COLGALT2: variants seen among roughly 807,000 people sequenced by gnomAD.
COLGALT2 encodes collagen beta(1-O)galactosyltransferase 2.
COLGALT2 carries 49 observed loss-of-function variants against 73.4 expected under a neutral mutation model. The ratio of observed to expected loss-of-function variants is 0.67; its 90% CI spans 0.53 to 0.85. COLGALT2 has a LOEUF of 0.85. COLGALT2 is among the 40% of genes least tolerant of loss of function. The pLI, the probability that COLGALT2 is intolerant of heterozygous loss-of-function variation, is 0.00. For synonymous variants in COLGALT2, 295 were observed against 307.6 expected, an observed-to-expected ratio of 0.96 and a Z score of 0.43; for missense variants, 722 against 790.2, an observed-to-expected ratio of 0.91 and a Z score of 1.03.
chr1:184,018,696 A>C (rs1465591863), intron 1 of COLGALT2, among the ~76,000 whole-genome samples: 2 of 152,204 alleles, frequency 1.3e-5, no homozygotes, highest in Non-Finnish European at 2.9e-5. Context: ...AAAATATCTA[A>C]GTGAGAAAGC....
intron 1 of COLGALT2, among the ~76,000 whole-genome samples, chr1:184,009,878 T>A (rs941385927): frequency 9.2e-5 from 14 of 152,338 alleles, no homozygotes; most frequent in African/African-American, 3.4e-4. Flanking sequence ...GCATCACAGA[T>A]CTCATGCCAA....
At chr1:183,963,752 A>T in intron 6 of COLGALT2, 149 bp downstream of exon 6, 1 of 873,168 alleles carries the variant, frequency 1.1e-6, no homozygotes, top group Non-Finnish European at 1.6e-6. Context: ...GGAAAAATTT[A>T]GGAAAGAATG....
intron 1 of COLGALT2, among the ~76,000 whole-genome samples, chr1:183,980,061 T>G (rs1202324007): frequency 6.6e-6 from 1 of 151,910 alleles, no homozygotes; most frequent in African/African-American, 2.4e-5. Flanking sequence ...TTTCAGAACT[T>G]CCAAAAATTA....
chr1:183,960,571 G>GT (rs1670672161), intron 6 of COLGALT2, among the ~76,000 whole-genome samples: 1 of 152,118 alleles, frequency 6.6e-6, no homozygotes, highest in African/African-American at 2.4e-5. Flanking sequence ...ATCATAAAAT[G>GT]TTTTGAATCC....
chr1:184,003,365 T>G (rs1395606712), intron 1 of COLGALT2, among the ~76,000 whole-genome samples: 1 of 116,140 alleles, frequency 8.6e-6, no homozygotes, highest in Non-Finnish European at 1.5e-5. Flanking sequence ...GCTGCCATGC[T>G]GTGAGGAAGC....
intron 1 of COLGALT2, among the ~76,000 whole-genome samples, chr1:184,017,652 C>T (rs1649047914): frequency 6.6e-6 from 1 of 152,216 alleles, no homozygotes; most frequent in Non-Finnish European, 1.5e-5. Flanking sequence ...GCTAAGTGGT[C>T]TTAGCCAATT....
intron 1 of COLGALT2, among the ~76,000 whole-genome samples, chr1:184,032,121 T>G (rs1649532819): frequency 6.6e-6 from 1 of 152,106 alleles, no homozygotes; most frequent in Non-Finnish European, 1.5e-5. Context: ...CTTGAACTCC[T>G]TGGCTTAAGA....
intron 1 of COLGALT2, among the ~76,000 whole-genome samples, chr1:184,025,626 G>C (rs1649309582): frequency 6.6e-6 from 1 of 152,196 alleles, no homozygotes; most frequent in Non-Finnish European, 1.5e-5. Context: ...TCCTTCATAA[G>C]AAGGTCTAAT....
At chr1:183,931,860 T>TAAA (rs35058267), downstream of COLGALT2, among the ~76,000 whole-genome samples, 27 of 119,966 alleles carry the variant, frequency 2.3e-4, no homozygotes, top group African/African-American at 8.0e-4. Context: ...GTTCCTGCCA[T>TAAA]AAAAAAAAAA....
rs1473495819 is a variant in COLGALT2 at position 183,938,974 on chromosome 1, G to T, written c.1668C>A (p.Leu556=). The T allele has an allele frequency of 1.2e-6, 2 of 1,614,004 alleles. No individual in the cohort carries two copies. Among genetic ancestry groups the T allele is most frequent in the Non-Finnish European group, 1.7e-6 (2 of 1,180,050 alleles). ...GGCCTGTGTAGTGCGTAGGGTAGAT[G>T]AGCAAGGGTTCTGCAGAGAAGGCTT... ...DLKAFSAEPL[L]IYPTHYTGQP... Residue 556 remains leucine (L), a synonymous_variant, in exon 12 of 12, where the codon CTC becomes CTA. Transcript: ENST00000361927.
chr1:184,034,396 T>C (rs1649608533), intron 1 of COLGALT2, among the ~76,000 whole-genome samples: 1 of 152,104 alleles, frequency 6.6e-6, no homozygotes, highest in Non-Finnish European at 1.5e-5. Flanking sequence ...AAACTAAGTG[T>C]CCACTCATCA....
chr1:183,999,977 T>C (rs1001374027), intron 1 of COLGALT2, among the ~76,000 whole-genome samples: 1 of 152,136 alleles, frequency 6.6e-6, no homozygotes, highest in African/African-American at 2.4e-5. Flanking sequence ...TTATTCTGTT[T>C]TTTTACCCGC....
chr1:183,978,356 A>T, intron 2 of COLGALT2, 54 bp downstream of exon 2: 1 of 957,344 alleles, frequency 1.0e-6, no homozygotes, highest in Non-Finnish European at 1.7e-6. Flanking sequence ...CTAAAGAGCT[A>T]GTTAAAGAGG....
Position 183,946,832 on chromosome 1 carries a change from C to T in COLGALT2, c.1137-1268G>A, listed in dbSNP as rs575355626. Among the ~76,000 whole-genome samples the T allele has an allele frequency of 5.8e-4, 89 of 152,256 alleles. 1 individual carries two copies. Among genetic ancestry groups the T allele is most frequent in the African/African-American group, 2.1e-3 (87 of 41,552 alleles). ...AGATCAGAAGGTCTGGAGATCGAGA[C>T]CATCCTGGCTAACACGGTGAAACCC... On this transcript the variant is annotated intron_variant, in intron 8 of 11. Transcript: ENST00000361927.
At position 184,007,050 on chromosome 1, in the gene COLGALT2, T is replaced by C. The variant is rs531562072; in HGVS notation, c.264-28530A>G. On this transcript the variant is annotated intron_variant, in intron 1 of 11. Transcript: ENST00000361927. ...CCATTTGAGGAAGCAGTGTTAGCCA[T>C]GGTTGCTAACACATCCTGGTAAGAT... Among the ~76,000 whole-genome samples the C allele has an allele frequency of 5.9e-5, 9 of 152,348 alleles. No homozygotes were observed. The East Asian group carries it at 1.7e-3, about 29-fold the overall frequency.
At chr1:183,939,068 G>A (rs760248187) in intron 11 of COLGALT2, 31 bp from the exon 12 acceptor site, 3 of 1,574,476 alleles carry the variant, frequency 1.9e-6, no homozygotes, top group Non-Finnish European at 2.6e-6. Context: ...GGACACATGA[G>A]GGGGCGGAAA....
At chr1:184,011,952 C>T (rs997364737) in intron 1 of COLGALT2, among the ~76,000 whole-genome samples, 7 of 152,092 alleles carry the variant, frequency 4.6e-5, no homozygotes, top group African/African-American at 1.4e-4. Flanking sequence ...ATTGTGTAAT[C>T]TCCAAGAAAA....
Position 184,018,958 on chromosome 1 carries a change from T to C in COLGALT2, c.263+18137A>G, listed in dbSNP as rs949930062. Among the ~76,000 whole-genome samples, 4 of 152,366 alleles carry C rather than the reference T, an allele frequency of 2.6e-5. No individual in the cohort carries two copies. The East Asian group carries it at 7.7e-4, about 29-fold the overall frequency. Reference sequence around the variant, plus strand: ...CATCTGCCTAAAGCAAACCAGATTATAATTCGTGTTTTATTAGAGATTAGA... The same window carrying C: ...CATCTGCCTAAAGCAAACCAGATTACAATTCGTGTTTTATTAGAGATTAGA... On this transcript the variant is annotated intron_variant, in intron 1 of 11. Transcript: ENST00000361927.
chr1:183,942,521 A>G (rs1040509505), intron 10 of COLGALT2, among the ~76,000 whole-genome samples: 9 of 152,178 alleles, frequency 5.9e-5, no homozygotes, highest in Non-Finnish European at 1.3e-4. Context: ...CTTGCATTAT[A>G]TTTCTATTGA....
Sources: allele counts gnomAD v4.1 joint callset (sites outside exome capture counted in the v4.1 genomes callset), GRCh38; gene constraint gnomAD v4.1.1; transcripts MANE v1.5; gene names NCBI Gene and HGNC (gene_info 2026-07-23, HGNC 2026-07-21).